Variants in TNFSF13B observed in about 807,000 individuals in gnomAD.
TNFSF13B encodes the protein tumor necrosis factor ligand superfamily member 13B.
In TNFSF13B, 8 loss-of-function variants were observed where a neutral mutation model predicts 29.1. The observed-to-expected ratio is 0.27, with a 90% confidence interval of 0.16 to 0.50. The LOEUF (loss-of-function observed/expected upper bound fraction) is 0.50, where lower values mean the gene tolerates loss of function less well. Among genes scored for constraint, TNFSF13B ranks in the 20% least tolerant of loss-of-function variants. TNFSF13B has a pLI of 0.98. For missense variants in TNFSF13B, 248 were observed against 334.9 expected (o/e 0.74, Z 2.03); for synonymous variants, 125 against 130.8 (o/e 0.96, Z 0.30).
At chr13:108,288,248 C>A (rs1294601335) in intron 3 of TNFSF13B, among the ~76,000 whole-genome samples, 1 of 152,116 alleles carries the variant, frequency 6.6e-6, no homozygotes, top group Admixed American at 6.5e-5. Context: ...TTCATTGATT[C>A]ATTTAGTTTA....
intron 3 of TNFSF13B, 52 bp downstream of exon 3, chr13:108,286,911 A>T: frequency 7.5e-7 from 1 of 1,327,162 alleles, no homozygotes; most frequent in Non-Finnish European, 1.0e-6. Flanking sequence ...CATCAATGAT[A>T]GACTGGATTA....
intron 2 of TNFSF13B, among the ~76,000 whole-genome samples, chr13:108,272,680 G>C (rs1470569442): frequency 6.6e-6 from 1 of 151,700 alleles, no homozygotes; most frequent in Non-Finnish European, 1.5e-5. Flanking sequence ...ATCTATTTGA[G>C]ACTCTTTTTT....
At chr13:108,286,677 C>A in intron 2 of TNFSF13B, 126 bp from the exon 3 acceptor site, 1 of 476,478 alleles carries the variant, frequency 2.1e-6, no homozygotes, top group Non-Finnish European at 4.0e-6. Context: ...AGAATAATGT[C>A]ATGCAATCAA....
chr13:108,278,459 G>T (rs1225792702), intron 2 of TNFSF13B, among the ~76,000 whole-genome samples: 1 of 151,640 alleles, frequency 6.6e-6, no homozygotes, highest in Non-Finnish European at 1.5e-5. Flanking sequence ...AGGCATAGAG[G>T]CTTATCCCAT....
chr13:108,300,302 C>CA (rs1339482343), intron 3 of TNFSF13B, among the ~76,000 whole-genome samples: 1 of 152,108 alleles, frequency 6.6e-6, no homozygotes, highest in Non-Finnish European at 1.5e-5. Flanking sequence ...TGCTGCATGT[C>CA]TACTGTGGGT....
chr13:108,307,144 CAT>C lies in TNFSF13B; in HGVS notation c.*207_*208del, dbSNP rs1881801970. On this transcript the variant is annotated 3_prime_UTR_variant, in exon 6 of 6. Transcript: ENST00000375887. ...ACAGACAGCCACAGCCAAAGAGTGT[CAT>C]GTGAATTACAAGAAATAGAGCCCAT... 2 of 457,886 alleles carry C rather than the reference CAT, an allele frequency of 4.4e-6. No homozygotes were observed. The highest frequency in any genetic ancestry group is 6.4e-5 in the South Asian group (2 of 31,238). The allele number at this position is 457,886 out of a possible 1,614,324, so 28.4% of individuals were successfully genotyped here.
intron 3 of TNFSF13B, among the ~76,000 whole-genome samples, chr13:108,296,763 G>T (rs1881467973): frequency 7.0e-6 from 1 of 143,646 alleles, no homozygotes; most frequent in African/African-American, 2.6e-5. Context: ...TTCTTTTTGT[G>T]CATTTTTAAA....
In TNFSF13B at chr13:108,295,129, T is replaced by C. The variant is rs938068428; in HGVS notation, c.482-8124T>C. ...GGTCAATGTAGCTCAATGATTGTCA[T>C]TTTTGTTCATATTTTTCAAAAAACC... On this transcript the variant is annotated intron_variant, in intron 3 of 5. Transcript: ENST00000375887. Among the ~76,000 whole-genome samples the C allele has an allele frequency of 3.4e-5, 5 of 145,556 alleles. 1 individual carries two copies. Among genetic ancestry groups the C allele is most frequent in the African/African-American group, 5.2e-5 (2 of 38,698 alleles).
intron 3 of TNFSF13B, among the ~76,000 whole-genome samples, chr13:108,292,837 A>T (rs1255080930): frequency 6.6e-6 from 1 of 152,180 alleles, no homozygotes; most frequent in Non-Finnish European, 1.5e-5. Context: ...CTTATCAAAT[A>T]TCTGATTTGC....
At chr13:108,294,243 G>A (rs1881404732) in intron 3 of TNFSF13B, among the ~76,000 whole-genome samples, 1 of 150,396 alleles carries the variant, frequency 6.6e-6, no homozygotes, top group African/African-American at 2.4e-5. Flanking sequence ...GTAATGGCAT[G>A]ATCTTAACTC....
At chr13:108,285,022 A>G (rs1881082538) in intron 2 of TNFSF13B, among the ~76,000 whole-genome samples, 1 of 152,112 alleles carries the variant, frequency 6.6e-6, no homozygotes, top group Non-Finnish European at 1.5e-5. Flanking sequence ...TGACTAACGA[A>G]TCATGTTTTT....
intron 5 of TNFSF13B, among the ~76,000 whole-genome samples, chr13:108,305,809 A>G (rs949057032): frequency 1.3e-5 from 2 of 152,156 alleles, no homozygotes; most frequent in Non-Finnish European, 2.9e-5. Flanking sequence ...GTACATAGTA[A>G]ATGTTCAATA....
At chr13:108,286,692 A>G in intron 2 of TNFSF13B, 111 bp from the exon 3 acceptor site, 1 of 569,220 alleles carries the variant, frequency 1.8e-6, no homozygotes, top group South Asian at 2.1e-5. Flanking sequence ...AATCAATGTA[A>G]AAAGTATAAT....
Position 108,269,818 on chromosome 13 carries a change from A to G in TNFSF13B, c.-78A>G. 1 of 1,354,918 alleles carries G rather than the reference A, an allele frequency of 7.4e-7. No individual in the cohort carries two copies. Among genetic ancestry groups the G allele is most frequent in the Non-Finnish European group, 1.0e-6 (1 of 990,276 alleles). 83.9% of individuals were successfully genotyped at this position (1,354,918 alleles called of 1,614,324 possible). On this transcript the variant is annotated 5_prime_UTR_variant, in exon 1 of 6. Coordinates refer to ENST00000375887, the MANE Select transcript of TNFSF13B (RefSeq NM_006573.5). Reference sequence around the variant, plus strand: ...TGTAGTGCACGCAGGACATCAACAAACACAGATAACAGGAAATGATCCATT... The same window carrying G: ...TGTAGTGCACGCAGGACATCAACAAGCACAGATAACAGGAAATGATCCATT...
chr13:108,280,653 A>T (rs1407124173), intron 2 of TNFSF13B, among the ~76,000 whole-genome samples: 1 of 152,146 alleles, frequency 6.6e-6, no homozygotes, highest in African/African-American at 2.4e-5. Context: ...GTATAAAATT[A>T]TCAATTTAAA....
chr13:108,287,147 C>T (rs572002823), intron 3 of TNFSF13B, among the ~76,000 whole-genome samples: 69 of 151,260 alleles, frequency 4.6e-4, no homozygotes, highest in South Asian at 1.1e-3. Context: ...GGAGGGATAG[C>T]ATTAGGAGAT....
intron 2 of TNFSF13B, among the ~76,000 whole-genome samples, chr13:108,284,095 C>A (rs185123171): frequency 6.6e-6 from 1 of 151,938 alleles, no homozygotes; most frequent in Admixed American, 6.6e-5. Flanking sequence ...CTTTGGGAGG[C>A]GAGGTGGGCG....
chr13:108,287,079 A>G (rs1881161568), intron 3 of TNFSF13B, among the ~76,000 whole-genome samples: 1 of 130,788 alleles, frequency 7.6e-6, no homozygotes, highest in South Asian at 2.4e-4. Flanking sequence ...ATGAGAACAC[A>G]TGGATACAGG....
chr13:108,303,074 G>A (rs1388351819), intron 3 of TNFSF13B, among the ~76,000 whole-genome samples, 179 bp from the exon 4 acceptor site: 1 of 152,086 alleles, frequency 6.6e-6, no homozygotes, highest in Non-Finnish European at 1.5e-5. Context: ...ATAAGTGATG[G>A]CAAAGAATCC....
Sources: gnomAD v4.1 joint callset for allele counts (sites outside exome capture counted in the v4.1 genomes callset) on GRCh38, gnomAD v4.1.1 for gene constraint, MANE v1.5 for transcripts, NCBI Gene and HGNC (gene_info 2026-07-23, HGNC 2026-07-21) for gene names.